AMY2B: variants seen among roughly 807,000 people sequenced by gnomAD.
The protein encoded by AMY2B is alpha-amylase 2B.
AMY2B carries 63 observed loss-of-function variants against 59.3 expected under a neutral mutation model. That is an observed-to-expected ratio of 1.06 (90% confidence interval 0.87 to 1.31). The LOEUF (loss-of-function observed/expected upper bound fraction) is 1.31, where lower values mean the gene tolerates loss of function less well. Ranked by LOEUF, AMY2B falls within the 50% of genes most tolerant of loss-of-function variation. AMY2B has a pLI of 0.00. For synonymous variants in AMY2B, 180 were observed against 198.1 expected (o/e 0.91, Z 0.77); for missense variants, 635 against 626.7 (o/e 1.01, Z -0.14).
At chr1:103,568,707 G>T (rs1405143047), upstream of AMY2B, 1 of 151,684 alleles carries the variant, frequency 6.6e-6, no homozygotes. Flanking sequence ...ACAAACAAAA[G>T]ACAGTCCTTA....
At chr1:103,566,016 C>T (rs996416201) in intron 2 of AMY2B, among the ~76,000 whole-genome samples, 1 of 152,064 alleles carries the variant, frequency 6.6e-6, no homozygotes, top group Admixed American at 6.6e-5. Flanking sequence ...CCCAATATAC[C>T]TTTCCAAATT....
At chr1:103,559,019 C>T (rs942239620) in intron 1 of AMY2B, among the ~76,000 whole-genome samples, 8 of 152,086 alleles carry the variant, frequency 5.3e-5, no homozygotes, top group Admixed American at 3.3e-4. Context: ...AAGTTACATG[C>T]AAATACTACA....
At chr1:103,561,756 C>G (rs1174400611) in intron 1 of AMY2B, 1 of 151,706 alleles carries the variant, frequency 6.6e-6, no homozygotes, top group Non-Finnish European at 1.5e-5. Context: ...AGAAAGCAGA[C>G]GAGATATAGT....
chr1:103,561,586 T>C (rs889878769), intron 1 of AMY2B, among the ~76,000 whole-genome samples: 1 of 152,070 alleles, frequency 6.6e-6, no homozygotes, highest in African/African-American at 2.4e-5. Context: ...AAGGTTATTT[T>C]ATTTTATATG....
At chr1:103,576,582 T>G (rs1176620287) in intron 7 of AMY2B, among the ~76,000 whole-genome samples, 1 of 152,166 alleles carries the variant, frequency 6.6e-6, no homozygotes, top group Non-Finnish European at 1.5e-5. Flanking sequence ...TACTCTGGTT[T>G]TTTTAATTAA....
upstream of AMY2B, chr1:103,571,439 T>A: frequency 7.0e-7 from 1 of 1,425,102 alleles, no homozygotes; most frequent in Non-Finnish European, 9.5e-7. Context: ...AGAGACTTTT[T>A]AATGTTCTTC....
chr1:103,563,828 C>T (rs1164439058), intron 1 of AMY2B, among the ~76,000 whole-genome samples: 1 of 151,824 alleles, frequency 6.6e-6, no homozygotes, highest in African/African-American at 2.4e-5. Flanking sequence ...AAATCCTAAG[C>T]GAATAAGCAA....
At chr1:103,570,754 C>A, upstream of AMY2B, 1 of 497,986 alleles carries the variant, frequency 2.0e-6, no homozygotes, top group Non-Finnish European at 4.1e-6. Context: ...AATGCATACA[C>A]CTCATGCTAG....
Position 103,573,076 on chromosome 1 carries a change from T to C in AMY2B, c.329T>C (p.Val110Ala). Reference protein sequence around the residue: ...RCNNVGVRIYVDAVINHMSGN... With the variant: ...RCNNVGVRIYADAVINHMSGN... ...TTTGCTTTCTAGGTTCGTATTTATG[T>C]GGATGCTGTAATTAATCATATGTCT... is the stretch of plus-strand genomic sequence containing the variant. The change falls in exon 3 of 10, where the codon GTG becomes GCG. Residue 110 changes from valine to alanine, a missense_variant. Val to Ala is a moderately conservative substitution (Grantham distance 64). Coordinates refer to ENST00000684275, the MANE Select transcript of AMY2B (RefSeq NM_001387437.1). 6.2e-7 allele frequency: 1 copy of C among 1,613,676 alleles called. No individual in the cohort carries two copies. The highest frequency in any genetic ancestry group is 1.7e-5 in the Admixed American group (1 of 60,000).
At chr1:103,566,274 T>C (rs1651909539) in intron 2 of AMY2B, among the ~76,000 whole-genome samples, 1 of 152,204 alleles carries the variant, frequency 6.6e-6, no homozygotes, top group African/African-American at 2.4e-5. Context: ...TGTTCATATC[T>C]TTCACTTTAT....
chr1:103,572,735 G>A (rs72466610), intron 2 of AMY2B, among the ~76,000 whole-genome samples: 8 of 152,080 alleles, frequency 5.3e-5, no homozygotes, highest in African/African-American at 2.4e-5. Context: ...CCTGGTGACC[G>A]ACTGTAATTT....
In AMY2B at chr1:103,579,512, A is replaced by C; in HGVS notation, c.*12A>C. ...AATCTAAATTATAAAATTTAAAATTAAATGCATATCCTCAAAACAATAGCC... is the reference window on the plus strand; with the variant it reads ...AATCTAAATTATAAAATTTAAAATTCAATGCATATCCTCAAAACAATAGCC... On this transcript the variant is annotated 3_prime_UTR_variant, in exon 10 of 10. Coordinates refer to ENST00000684275, the MANE Select transcript of AMY2B (RefSeq NM_001387437.1). 6.2e-7 allele frequency: 1 copy of C among 1,608,090 alleles called. No individual in the cohort carries two copies. The highest frequency in any genetic ancestry group is 8.5e-7 in the Non-Finnish European group (1 of 1,178,434).
chr1:103,577,741 T>C lies in AMY2B; in HGVS notation c.1242T>C (p.Asn414=), dbSNP rs1316793034. Reference sequence around the variant, plus strand: ...TTAGGAACATGGTTAATTTCCGCAATGTAGTGGATGGCCAGCCTTTTACAA... The same window carrying C: ...TTAGGAACATGGTTAATTTCCGCAACGTAGTGGATGGCCAGCCTTTTACAA... ...RQIRNMVNFR[N]VVDGQPFTNW... Residue 414 remains asparagine, a synonymous_variant, in exon 9 of 10, where the codon AAT becomes AAC. Coordinates refer to ENST00000684275, the MANE Select transcript of AMY2B (RefSeq NM_001387437.1). 4 of 1,611,052 alleles carry C rather than the reference T, an allele frequency of 2.5e-6. No individual in the cohort carries two copies. Among genetic ancestry groups the C allele is most frequent in the Non-Finnish European group, 3.4e-6 (4 of 1,179,788 alleles).
In AMY2B at chr1:103,577,519, T is replaced by G; in HGVS notation, c.1131T>G (p.Asn377Lys). 4.3e-6 allele frequency: 7 copies of G among 1,611,908 alleles called. No individual in the cohort carries two copies. The South Asian group carries it at 7.7e-5, about 18-fold the overall frequency. Residue 377 changes from asparagine to lysine, a missense_variant, in exon 8 of 10, where the codon AAT becomes AAG. Transcript: ENST00000684275. ...NDVNDWVGPPNNNGVIKEVTI... is the reference protein window; with the variant it reads ...NDVNDWVGPPKNNGVIKEVTI... ...TTAATGATTGGGTTGGGCCACCAAATAATAATGGAGTAATTAAAGAAGTTA... is the reference window on the plus strand; with the variant it reads ...TTAATGATTGGGTTGGGCCACCAAAGAATAATGGAGTAATTAAAGAAGTTA...
intron 1 of AMY2B, among the ~76,000 whole-genome samples, chr1:103,558,426 A>G (rs965163115): frequency 6.6e-6 from 1 of 152,234 alleles, no homozygotes; most frequent in Non-Finnish European, 1.5e-5. Context: ...GTAGAAAGTC[A>G]AGAGAAGAAT....
upstream of AMY2B, chr1:103,569,743 C>G (rs1162518597): frequency 4.8e-6 from 2 of 416,116 alleles, no homozygotes; most frequent in Non-Finnish European, 9.7e-6. Context: ...GCACAGTATC[C>G]TGACCCTGAA....
chr1:103,575,511 C>G lies in AMY2B; in HGVS notation c.1072C>G (p.Arg358Gly), dbSNP rs147059247. 1 of 1,613,668 alleles carries G rather than the reference C, an allele frequency of 6.2e-7. No individual in the cohort carries two copies. Among genetic ancestry groups the G allele is most frequent in the African/African-American group, 1.3e-5 (1 of 74,982 alleles). The change falls in exon 7 of 10, where the codon CGT (arginine) becomes GGT (glycine). Residue 358 changes from arginine (R) to glycine (G), a missense_variant. Coordinates refer to ENST00000684275, the MANE Select transcript of AMY2B (RefSeq NM_001387437.1). ...TTTTACACGAGTAATGTCAAGCTACCGTTGGCCAAGACAGTTTCAAAATGG... is the reference window on the plus strand; with the variant it reads ...TTTTACACGAGTAATGTCAAGCTACGGTTGGCCAAGACAGTTTCAAAATGG... The part of the protein sequence containing the change: ...YGFTRVMSSY[R>G]WPRQFQNGND...
intron 1 of AMY2B, among the ~76,000 whole-genome samples, chr1:103,564,114 C>T: frequency 6.6e-6 from 1 of 152,114 alleles, no homozygotes; most frequent in East Asian, 1.9e-4. Flanking sequence ...TTACCATATC[C>T]ATACATTGGG....
chr1:103,558,885 T>G (rs1651646157), intron 1 of AMY2B, among the ~76,000 whole-genome samples: 1 of 152,168 alleles, frequency 6.6e-6, no homozygotes, highest in Non-Finnish European at 1.5e-5. Context: ...GAAAGGATGG[T>G]TGCATCTATA....
Sources: allele counts gnomAD v4.1 joint callset (sites outside exome capture counted in the v4.1 genomes callset), GRCh38; gene constraint gnomAD v4.1.1; transcripts MANE v1.5; gene names NCBI Gene and HGNC (gene_info 2026-07-23, HGNC 2026-07-21).